The following PAH variants were observed in gnomAD, a reference collection of about 807,000 sequenced individuals.
The protein encoded by PAH is phenylalanine-4-hydroxylase.
A neutral mutation model predicts 62.0 loss-of-function variants in PAH; 64 were observed. The observed-to-expected ratio is 1.03, with a 90% CI of 0.84 to 1.27. PAH has a LOEUF of 1.27. PAH is among the 50% of genes most tolerant of loss of function. PAH has a pLI of 0.00. For missense variants in PAH, 579 were observed against 542.8 expected (o/e 1.07, Z -0.66); for synonymous variants, 195 against 196.2 (o/e 0.99, Z 0.05).
intron 3 of PAH, among the ~76,000 whole-genome samples, chr12:102,880,132 C>T (rs1396097207): frequency 6.6e-6 from 1 of 152,176 alleles, no homozygotes; most frequent in East Asian, 1.9e-4. Context: ...TTTGGAGTCT[C>T]GGATGACTCA....
intron 2 of PAH, 83 bp downstream of exon 2, chr12:102,912,708 G>T: frequency 1.0e-6 from 1 of 991,934 alleles, no homozygotes; most frequent in Non-Finnish European, 1.6e-6. Context: ...CAGATCCTGT[G>T]TTCTTTTCAT....
At chr12:102,927,656 A>C (rs1056876667) in intron 1 of PAH, among the ~76,000 whole-genome samples, 3 of 152,154 alleles carry the variant, frequency 2.0e-5, no homozygotes, top group African/African-American at 7.2e-5. Context: ...AGCTGCAGCC[A>C]CAAAAAAAAA....
intron 5 of PAH, among the ~76,000 whole-genome samples, chr12:102,856,413 C>G (rs1018970714): frequency 1.3e-5 from 2 of 152,234 alleles, no homozygotes; most frequent in African/African-American, 2.4e-5. Flanking sequence ...GGGGGCAGTG[C>G]ATAGCCAAAC....
chr12:102,943,451 A>G (rs1445784378), intron 1 of PAH, among the ~76,000 whole-genome samples: 2 of 152,184 alleles, frequency 1.3e-5, no homozygotes, highest in African/African-American at 4.8e-5. Flanking sequence ...AGAAAAGGAT[A>G]TGTTCATACA....
intron 1 of PAH, among the ~76,000 whole-genome samples, chr12:102,928,872 C>A (rs1398675598): frequency 6.6e-6 from 1 of 152,114 alleles, no homozygotes; most frequent in South Asian, 2.1e-4. Flanking sequence ...TGCAAGAGAG[C>A]CACTTTTCTA....
chr12:102,852,855 A>G lies in PAH; in HGVS notation c.802T>C (p.Tyr268His), dbSNP rs62507263. ...ATGGGCTTGGATCCATGTCTGATGT[A>G]CTGTGTGCAGTGGAAGACTCGGAAG... ...LAFRVFHCTQ[Y>H]IRHGSKPMYT... Residue 268 changes from tyrosine (Y) to histidine (H), a missense_variant, in exon 7 of 13, where the codon TAC (tyrosine) becomes CAC (histidine). Transcript: ENST00000553106. 6.2e-7 allele frequency: 1 copy of G among 1,614,102 alleles called. No homozygotes were observed.
Position 102,871,703 on chromosome 12 carries a change from G to T in PAH, c.442-5040C>A, listed in dbSNP as rs1024646632. Among the ~76,000 whole-genome samples, 4 of 151,854 alleles carry T rather than the reference G, an allele frequency of 2.6e-5. No homozygotes were observed. In the East Asian group the frequency reaches 7.7e-4, roughly 29 times the overall value. The stretch of plus-strand genomic sequence containing the variant: ...TTTGGGAGTCCAAGGTGGGCAGATC[G>T]CCTGAGGTCAGGAGTTCAAGACCAG... On this transcript the variant is annotated intron_variant, in intron 4 of 12. Coordinates refer to ENST00000553106, the MANE Select transcript of PAH (RefSeq NM_000277.3).
chr12:102,864,611 C>T (rs906055645), intron 5 of PAH, among the ~76,000 whole-genome samples: 3 of 152,046 alleles, frequency 2.0e-5, no homozygotes, highest in African/African-American at 7.2e-5. Context: ...CACATGTTGA[C>T]AAAATGAGGG....
At chr12:102,878,837 A>G (rs562189658) in intron 3 of PAH, among the ~76,000 whole-genome samples, 7 of 152,294 alleles carry the variant, frequency 4.6e-5, no homozygotes, top group African/African-American at 1.7e-4. Flanking sequence ...TACCTTCAAA[A>G]TAAGGAAGGC....
chr12:102,952,792 A>G (rs1456208692), upstream of PAH, among the ~76,000 whole-genome samples: 2 of 152,176 alleles, frequency 1.3e-5, no homozygotes, highest in Non-Finnish European at 2.9e-5. Context: ...AAGCATATTG[A>G]AAAAGTGAAT....
At chr12:102,912,027 C>T (rs1013126104) in intron 2 of PAH, among the ~76,000 whole-genome samples, 6 of 152,188 alleles carry the variant, frequency 3.9e-5, no homozygotes, top group South Asian at 2.1e-4. Flanking sequence ...CCCAAATCAA[C>T]GTTTCCTAAA....
chr12:102,920,660 A>G (rs1425615771), upstream of PAH, among the ~76,000 whole-genome samples: 1 of 152,204 alleles, frequency 6.6e-6, no homozygotes, highest in Admixed American at 6.5e-5. Context: ...CCCAGAGGCA[A>G]CTTCTCTAAT....
At chr12:102,942,244 A>G (rs915207738) in intron 1 of PAH, among the ~76,000 whole-genome samples, 6 of 152,166 alleles carry the variant, frequency 3.9e-5, no homozygotes, top group African/African-American at 1.4e-4. Flanking sequence ...AAATCAATGT[A>G]TAAAAATTAG....
At position 102,861,035 on chromosome 12, in the gene PAH, G is replaced by C. The variant is rs572443517; in HGVS notation, c.509+5561C>G. The stretch of plus-strand genomic sequence containing the variant: ...TGCACAGCAAAAGAAACTACCATCA[G>C]AGTGAACAGGCAACTGACAGAATGG... On this transcript the variant is annotated intron_variant, in intron 5 of 12. Coordinates refer to ENST00000553106, the MANE Select transcript of PAH (RefSeq NM_000277.3). 2.0e-5 allele frequency among the ~76,000 whole-genome samples: 3 copies of C among 152,312 alleles called. No homozygotes were observed. The East Asian group carries it at 5.8e-4, about 29-fold the overall frequency.
At chr12:102,910,386 TTG>T (rs200611483) in intron 2 of PAH, among the ~76,000 whole-genome samples, 12 of 147,404 alleles carry the variant, frequency 8.1e-5, no homozygotes, top group Non-Finnish European at 1.1e-4. Context: ...TTTTTTTTTT[TTG>T]GGGAGGGAGT....
chr12:102,880,223 G>T (rs1876759377), intron 3 of PAH, among the ~76,000 whole-genome samples: 1 of 152,152 alleles, frequency 6.6e-6, no homozygotes, highest in Admixed American at 6.5e-5. Context: ...TCCTTCCTCA[G>T]TGGGTCCAGC....
At chr12:102,875,938 T>G (rs553456758) in intron 4 of PAH, among the ~76,000 whole-genome samples, 4 of 57,830 alleles carry the variant, frequency 6.9e-5, no homozygotes, top group Non-Finnish European at 1.4e-4. Flanking sequence ...TATATATATA[T>G]ACATATATAT....
At chr12:102,907,198 T>C (rs1300408842) in intron 2 of PAH, among the ~76,000 whole-genome samples, 1 of 152,172 alleles carries the variant, frequency 6.6e-6, no homozygotes, top group Non-Finnish European at 1.5e-5. Context: ...TTTTTCAATA[T>C]GAAAGAAAAA....
chr12:102,850,522 T>C (rs1875096363), intron 8 of PAH, among the ~76,000 whole-genome samples: 1 of 152,226 alleles, frequency 6.6e-6, no homozygotes, highest in Non-Finnish European at 1.5e-5. Context: ...GCTCAGCATT[T>C]GCTCATAGGT....
Sources: allele counts gnomAD v4.1 joint callset (sites outside exome capture counted in the v4.1 genomes callset), GRCh38; gene constraint gnomAD v4.1.1; transcripts MANE v1.5; gene names NCBI Gene and HGNC (gene_info 2026-07-23, HGNC 2026-07-21).